The following GRM3 variants were observed in gnomAD, a reference collection of about 807,000 sequenced individuals.
The protein encoded by GRM3 is metabotropic glutamate receptor 3.
GRM3 carries 26 observed loss-of-function variants against 70.5 expected under a neutral mutation model. The observed-to-expected ratio is 0.37, with a 90% CI of 0.27 to 0.51. GRM3 has a LOEUF of 0.51. Ranked by LOEUF, GRM3 falls within the 20% of genes least tolerant of loss-of-function variation. GRM3 has a pLI of 0.93. For missense variants in GRM3, 859 were observed against 1,123.8 expected, an observed-to-expected ratio of 0.76 and a Z score of 3.37; for synonymous variants, 443 against 434.9, an observed-to-expected ratio of 1.02 and a Z score of -0.23.
intron 3 of GRM3, among the ~76,000 whole-genome samples, chr7:86,799,225 G>T (rs1043782003): frequency 1.3e-5 from 2 of 152,170 alleles, no homozygotes; most frequent in Admixed American, 6.5e-5. Context: ...CTTTGCCAAA[G>T]TTGCTTATCA....
intron 1 of GRM3, among the ~76,000 whole-genome samples, chr7:86,686,094 C>A (rs1201976963): frequency 3.3e-5 from 5 of 152,062 alleles, no homozygotes; most frequent in Non-Finnish European, 7.4e-5. Context: ...GACTCTCACA[C>A]TATAAACCAT....
At chr7:86,668,676 G>A (rs997090779) in intron 1 of GRM3, among the ~76,000 whole-genome samples, 2 of 152,196 alleles carry the variant, frequency 1.3e-5, no homozygotes, top group Non-Finnish European at 2.9e-5. Context: ...AATATATTCC[G>A]AAAATAGAAT....
intron 4 of GRM3, among the ~76,000 whole-genome samples, chr7:86,846,369 C>G (rs1357903843): frequency 2.0e-5 from 3 of 152,178 alleles, no homozygotes; most frequent in African/African-American, 7.2e-5. Flanking sequence ...CTTGTTGTCT[C>G]AACCTCCCAA....
intron 3 of GRM3, among the ~76,000 whole-genome samples, chr7:86,793,440 T>C (rs1797472308): frequency 6.6e-6 from 1 of 152,240 alleles, no homozygotes; most frequent in Middle Eastern, 3.2e-3. Flanking sequence ...CAAACTGCTC[T>C]TGATCTTGCT....
chr7:86,834,089 C>A (rs1798409666), intron 3 of GRM3, among the ~76,000 whole-genome samples: 1 of 152,246 alleles, frequency 6.6e-6, no homozygotes, highest in Non-Finnish European at 1.5e-5. Flanking sequence ...CCTGACCTTG[C>A]TTAATTATCT....
rs575276564 is a variant in GRM3 at position 86,853,895 on chromosome 7, A to G, written c.2566+3351A>G. 6.6e-5 allele frequency among the ~76,000 whole-genome samples: 10 copies of G among 152,264 alleles called. No individual in the cohort carries two copies. The East Asian group carries it at 1.9e-3, about 29-fold the overall frequency. ...TTAAGCAGAGACTGAGCTGATCTGG[A>G]AGATCCATGATGCTTTCACTCTTAT... On this transcript the variant is annotated intron_variant, in intron 5 of 5. Transcript: ENST00000361669.
At chr7:86,828,005 G>A (rs1040719686) in intron 3 of GRM3, among the ~76,000 whole-genome samples, 3 of 151,574 alleles carry the variant, frequency 2.0e-5, no homozygotes, top group Non-Finnish European at 2.9e-5. Flanking sequence ...CCAGGTACTC[G>A]GGAGGCTGAG....
intron 4 of GRM3, among the ~76,000 whole-genome samples, chr7:86,843,718 T>C (rs1246239372): frequency 3.3e-5 from 5 of 152,192 alleles, no homozygotes; most frequent in Admixed American, 3.3e-4. Context: ...GAGATACTGT[T>C]ATCAACATAG....
chr7:86,708,289 T>A (rs1018700573), intron 1 of GRM3, among the ~76,000 whole-genome samples: 1 of 152,260 alleles, frequency 6.6e-6, no homozygotes, highest in African/African-American at 2.4e-5. Context: ...GTGGTCTCTA[T>A]AGTTTGTATC....
intron 1 of GRM3, among the ~76,000 whole-genome samples, chr7:86,730,579 G>A (rs1795709476): frequency 6.6e-6 from 1 of 152,124 alleles, no homozygotes; most frequent in African/African-American, 2.4e-5. Flanking sequence ...AAGTTCATAA[G>A]GAAAAGTAGC....
intron 1 of GRM3, among the ~76,000 whole-genome samples, chr7:86,710,478 G>A (rs561662691): frequency 3.4e-5 from 5 of 147,836 alleles, no homozygotes; most frequent in African/African-American, 7.5e-5. Context: ...AAAAAAACTT[G>A]TATAAAATAA....
At chr7:86,845,440 T>A (rs532794771) in intron 4 of GRM3, among the ~76,000 whole-genome samples, 1 of 152,292 alleles carries the variant, frequency 6.6e-6, no homozygotes, top group Admixed American at 6.5e-5. Flanking sequence ...TAAATTTGTA[T>A]CTCAGGCAAG....
intron 3 of GRM3, among the ~76,000 whole-genome samples, chr7:86,798,739 T>C (rs1797614217): frequency 6.6e-6 from 1 of 152,180 alleles, no homozygotes; most frequent in Admixed American, 6.5e-5. Context: ...CAGGAGTGGA[T>C]TGATATGGTT....
chr7:86,830,495 A>C (rs1489333355), intron 3 of GRM3, among the ~76,000 whole-genome samples: 1 of 152,242 alleles, frequency 6.6e-6, no homozygotes, highest in Non-Finnish European at 1.5e-5. Context: ...TAAGTTAAAA[A>C]TTGAAAGAAA....
intron 1 of GRM3, among the ~76,000 whole-genome samples, chr7:86,716,679 T>C (rs1795324209): frequency 9.7e-6 from 1 of 102,900 alleles, no homozygotes; most frequent in Non-Finnish European, 2.1e-5. Context: ...ATTCCAGTTA[T>C]ATGCAAAAAA....
intron 1 of GRM3, among the ~76,000 whole-genome samples, chr7:86,706,642 G>A (rs972896199): frequency 2.6e-5 from 4 of 151,926 alleles, no homozygotes; most frequent in African/African-American, 4.8e-5. Context: ...ATATGGATCC[G>A]GGAGCTAAGA....
At chr7:86,678,748 CATT>C (rs1413447143) in intron 1 of GRM3, among the ~76,000 whole-genome samples, 1 of 152,026 alleles carries the variant, frequency 6.6e-6, no homozygotes. Flanking sequence ...CTGATCCTAA[CATT>C]ATTTCCAGAA....
intron 5 of GRM3, among the ~76,000 whole-genome samples, chr7:86,852,280 T>C (rs1245572097): frequency 2.0e-5 from 3 of 151,844 alleles, no homozygotes; most frequent in African/African-American, 4.9e-5. Context: ...ATTAGAACAA[T>C]TTAGCAGAGT....
At chr7:86,757,305 G>A (rs1796368877) in intron 1 of GRM3, among the ~76,000 whole-genome samples, 1 of 152,114 alleles carries the variant, frequency 6.6e-6, no homozygotes, top group Non-Finnish European at 1.5e-5. Context: ...AAGAGTTTGA[G>A]TTTTGTCCTA....
Sources: gnomAD v4.1 joint callset for allele counts (sites outside exome capture counted in the v4.1 genomes callset) on GRCh38, gnomAD v4.1.1 for gene constraint, MANE v1.5 for transcripts, NCBI Gene and HGNC (gene_info 2026-07-23, HGNC 2026-07-21) for gene names.